The following CLDN10 variants were observed in gnomAD, a reference collection of about 807,000 sequenced individuals.
The protein encoded by CLDN10 is claudin 10, also known as claudin-10.
A neutral mutation model predicts 22.9 loss-of-function variants in CLDN10; 15 were observed. The ratio of observed to expected loss-of-function variants is 0.65; its 90% CI spans 0.44 to 1.01. CLDN10 has a LOEUF of 1.01. Ranked by LOEUF, CLDN10 falls within the 50% of genes least tolerant of loss-of-function variation. CLDN10 has a pLI of 0.00. For synonymous variants in CLDN10, 114 were observed against 111.4 expected (o/e 1.02, Z -0.15); for missense variants, 247 against 287.8 (o/e 0.86, Z 1.03).
intron 1 of CLDN10, among the ~76,000 whole-genome samples, chr13:95,459,752 T>G (rs528977873): frequency 1.3e-5 from 2 of 152,340 alleles, no homozygotes; most frequent in African/African-American, 4.8e-5. Flanking sequence ...GACTAACATT[T>G]GGTTCCTCAT....
At chr13:95,442,462 T>C (rs2042333360) in intron 1 of CLDN10, among the ~76,000 whole-genome samples, 1 of 152,228 alleles carries the variant, frequency 6.6e-6, no homozygotes, top group African/African-American at 2.4e-5. Flanking sequence ...GGACTATAGT[T>C]TGCACTTAGG....
At chr13:95,515,353 C>T (rs1168203767) in intron 1 of CLDN10, among the ~76,000 whole-genome samples, 1 of 152,224 alleles carries the variant, frequency 6.6e-6, no homozygotes, top group East Asian at 1.9e-4. Flanking sequence ...CGTGCACCAC[C>T]ATGCCCGGCT....
intron 1 of CLDN10, among the ~76,000 whole-genome samples, chr13:95,436,026 T>C (rs1290127262): frequency 6.6e-6 from 1 of 152,076 alleles, no homozygotes; most frequent in African/African-American, 2.4e-5. Context: ...GAAACCCAGT[T>C]ATTGGGGAAA....
chr13:95,475,608 C>T (rs1041819030), intron 1 of CLDN10, among the ~76,000 whole-genome samples: 3 of 152,156 alleles, frequency 2.0e-5, no homozygotes, highest in African/African-American at 4.8e-5. Flanking sequence ...CCCCAATGGC[C>T]TCTGGGCCCC....
chr13:95,475,879 T>C (rs80140217), intron 1 of CLDN10, among the ~76,000 whole-genome samples: 16,322 of 151,740 alleles, frequency 0.11, 1,048 homozygotes, highest in South Asian at 0.25. Context: ...TGTCGGGACT[T>C]GAGCACCATG....
intron 1 of CLDN10, among the ~76,000 whole-genome samples, chr13:95,546,990 G>T (rs1056295278): frequency 6.7e-6 from 1 of 150,284 alleles, no homozygotes; most frequent in African/African-American, 2.4e-5. Flanking sequence ...AGGCAGGCTG[G>T]TCTTGAACTC....
chr13:95,474,829 G>T (rs1217717681), intron 1 of CLDN10, among the ~76,000 whole-genome samples: 2 of 152,156 alleles, frequency 1.3e-5, no homozygotes, highest in Non-Finnish European at 2.9e-5. Flanking sequence ...GTAGGGTGGA[G>T]GAAGATGGGG....
intron 1 of CLDN10, among the ~76,000 whole-genome samples, chr13:95,522,284 G>A (rs1293416558): frequency 1.3e-5 from 2 of 151,672 alleles, no homozygotes; most frequent in African/African-American, 4.8e-5. Flanking sequence ...TCTAAATACT[G>A]CTTCACTTGC....
intron 1 of CLDN10, among the ~76,000 whole-genome samples, chr13:95,447,873 G>A (rs1010494947): frequency 3.3e-5 from 5 of 152,074 alleles, no homozygotes; most frequent in African/African-American, 9.7e-5. Flanking sequence ...TGTGGAGCCC[G>A]AGAAAGAGTG....
intron 1 of CLDN10, among the ~76,000 whole-genome samples, chr13:95,436,123 C>T (rs535532990): frequency 4.6e-5 from 7 of 152,256 alleles, no homozygotes; most frequent in Non-Finnish European, 8.8e-5. Context: ...CCAAACACAT[C>T]ATCACAGAGT....
chr13:95,556,937 C>T (rs1427914505), intron 1 of CLDN10, among the ~76,000 whole-genome samples: 1 of 152,242 alleles, frequency 6.6e-6, no homozygotes, highest in Non-Finnish European at 1.5e-5. Context: ...TTTCCTCCAA[C>T]AGAGTTCATT....
chr13:95,438,717 G>A (rs887066519), intron 1 of CLDN10, among the ~76,000 whole-genome samples: 9 of 152,200 alleles, frequency 5.9e-5, no homozygotes, highest in East Asian at 3.9e-4. Flanking sequence ...GGTGGCTCAC[G>A]CCTGTAATCC....
chr13:95,488,431 T>C (rs1349817944), intron 1 of CLDN10, among the ~76,000 whole-genome samples: 3 of 152,078 alleles, frequency 2.0e-5, no homozygotes, highest in African/African-American at 7.2e-5. Context: ...GTAAATTCTT[T>C]AGTGGTGATT....
intron 3 of CLDN10, among the ~76,000 whole-genome samples, chr13:95,564,883 A>G (rs1319957297): frequency 1.3e-5 from 2 of 152,122 alleles, no homozygotes; most frequent in Non-Finnish European, 2.9e-5. Context: ...CCCACCACGT[A>G]TCTGGGAAGA....
chr13:95,467,766 G>A (rs1381191404), intron 1 of CLDN10, among the ~76,000 whole-genome samples: 1 of 152,202 alleles, frequency 6.6e-6, no homozygotes, highest in African/African-American at 2.4e-5. Context: ...GGAGCCCCAA[G>A]AGAGTGTAAT....
intron 1 of CLDN10, among the ~76,000 whole-genome samples, chr13:95,540,616 A>G (rs940520575): frequency 2.0e-5 from 3 of 152,252 alleles, no homozygotes; most frequent in African/African-American, 7.2e-5. Flanking sequence ...AAAATATCAG[A>G]CAAATAACTA....
chr13:95,564,104 G>A (rs1227252565), intron 3 of CLDN10, among the ~76,000 whole-genome samples: 1 of 152,208 alleles, frequency 6.6e-6, no homozygotes, highest in Non-Finnish European at 1.5e-5. Flanking sequence ...TAGATAGGCT[G>A]GGATGTGGAA....
At chr13:95,512,676 T>A (rs1172473033) in intron 1 of CLDN10, among the ~76,000 whole-genome samples, 1 of 152,152 alleles carries the variant, frequency 6.6e-6, no homozygotes, top group African/African-American at 2.4e-5. Context: ...GTCTCCTCTC[T>A]GCCACCTCCA....
At chr13:95,571,524 G>C (rs1264029622) in intron 3 of CLDN10, among the ~76,000 whole-genome samples, 1 of 152,156 alleles carries the variant, frequency 6.6e-6, no homozygotes, top group East Asian at 1.9e-4. Flanking sequence ...ACCCAGCAGA[G>C]GGGGAGGCTG....
Sources: gnomAD v4.1 joint callset for allele counts (sites outside exome capture counted in the v4.1 genomes callset) on GRCh38, gnomAD v4.1.1 for gene constraint, MANE v1.5 for transcripts, NCBI Gene and HGNC (gene_info 2026-07-23, HGNC 2026-07-21) for gene names.